SFSWAP: variants seen among roughly 807,000 people sequenced by gnomAD.
SFSWAP encodes the protein splicing factor SWAP.
Under a neutral mutation model 100.7 loss-of-function variants are expected in SFSWAP, and 17 were observed. The ratio of observed to expected loss-of-function variants is 0.17; its 90% CI spans 0.12 to 0.25. The LOEUF (loss-of-function observed/expected upper bound fraction) is 0.25. Among genes scored for constraint, SFSWAP ranks in the 10% least tolerant of loss-of-function variants. The probability of loss-of-function intolerance (pLI) is 1.00; values close to 1 mark genes in which losing one functional copy is unlikely to be tolerated. For missense variants in SFSWAP, 1,005 were observed against 1,262.6 expected, an observed-to-expected ratio of 0.80 and a Z score of 3.09; for synonymous variants, 504 against 510.1, an observed-to-expected ratio of 0.99 and a Z score of 0.16.
Position 131,711,344 on chromosome 12 carries a change from G to A in SFSWAP, c.115G>A (p.Gly39Ser), listed in dbSNP as rs369892761. 6.2e-7 allele frequency: 1 copy of A among 1,613,888 alleles called. No homozygotes were observed. Among genetic ancestry groups the A allele is most frequent in the Non-Finnish European group, 8.5e-7 (1 of 1,180,034 alleles). ...CAGCCGAGTGGAGCTCTTGGTTTTC[G>A]GCTATGCCTGCAAGCTGTTCCGGGA... The part of the protein sequence containing the change: ...GGSRVELLVF[G>S]YACKLFRDDE... The change falls in exon 1 of 18, where the codon GGC becomes AGC. Residue 39 changes from glycine to serine, a missense_variant. Transcript: ENST00000261674. This position sits in a 1 kb window ranked among gnomAD's most constrained non-coding sequence, Gnocchi z 4.9.
chr12:131,779,875 C>G (rs1884360019), intron 14 of SFSWAP, among the ~76,000 whole-genome samples: 1 of 152,260 alleles, frequency 6.6e-6, no homozygotes, highest in Admixed American at 6.5e-5. Context: ...CAACCTCTGC[C>G]TCCCAGGTTC....
intron 7 of SFSWAP, among the ~76,000 whole-genome samples, chr12:131,738,199 T>G (rs1221817188): frequency 6.6e-6 from 1 of 152,216 alleles, no homozygotes; most frequent in Non-Finnish European, 1.5e-5. Context: ...TTATGGTATA[T>G]TTTTCCTGCA....
chr12:131,792,061 A>ACC, intron 15 of SFSWAP, among the ~76,000 whole-genome samples: 1 of 140,632 alleles, frequency 7.1e-6, no homozygotes, highest in African/African-American at 2.8e-5. Flanking sequence ...GTGTGTGTGC[A>ACC]CGTGTGTGTT....
At chr12:131,747,059 G>A (rs374036993) in intron 7 of SFSWAP, among the ~76,000 whole-genome samples, 26 of 140,238 alleles carry the variant, frequency 1.9e-4, no homozygotes, top group South Asian at 7.0e-4. Flanking sequence ...AGCCGAGATC[G>A]CACCACTGCA....
In SFSWAP at chr12:131,725,164, A is replaced by G. The variant is rs1174666593; in HGVS notation, c.607-241A>G. On this transcript the variant is annotated intron_variant, in intron 4 of 17. Coordinates refer to ENST00000261674, the MANE Select transcript of SFSWAP (RefSeq NM_004592.4). This position sits in a 1 kb window ranked among gnomAD's most constrained non-coding sequence, Gnocchi z 4.3. ...TGTTGACTTGGTGCACAAAGAAGTC[A>G]CCTCCCATGGGTCTGTACCATGGTG... is the stretch of plus-strand genomic sequence containing the variant. Among the ~76,000 whole-genome samples, 1 of 151,944 alleles carries G rather than the reference A, an allele frequency of 6.6e-6. No individual in the cohort carries two copies. The highest frequency in any genetic ancestry group is 1.5e-5 in the Non-Finnish European group (1 of 67,994).
Position 131,718,169 on chromosome 12 carries a change from C to T in SFSWAP, c.521-1285C>T, listed in dbSNP as rs758726540. On this transcript the variant is annotated intron_variant, in intron 3 of 17. Coordinates refer to ENST00000261674, the MANE Select transcript of SFSWAP (RefSeq NM_004592.4). ...ACTTATATCTGATCAGACTGGAATA[C>T]CCAAGTTTTTGTATACCAGGAAACC... 1.3e-5 allele frequency among the ~76,000 whole-genome samples: 2 copies of T among 152,178 alleles called. 1 individual carries two copies. Among genetic ancestry groups the T allele is most frequent in the Non-Finnish European group, 2.9e-5 (2 of 68,032 alleles).
chr12:131,785,453 A>C, intron 14 of SFSWAP: 1 of 444,986 alleles, frequency 2.2e-6, no homozygotes, highest in Non-Finnish European at 4.0e-6. Context: ...GCAAAATCAA[A>C]CCGCTCTTCT....
intron 14 of SFSWAP, among the ~76,000 whole-genome samples, chr12:131,781,019 A>G (rs1034287744): frequency 6.6e-6 from 1 of 152,116 alleles, no homozygotes; most frequent in Non-Finnish European, 1.5e-5. Flanking sequence ...CTTTTCCCAC[A>G]TTGGCATATT....
At chr12:131,737,773 G>A (rs1205949288) in intron 7 of SFSWAP, among the ~76,000 whole-genome samples, 1 of 151,814 alleles carries the variant, frequency 6.6e-6, no homozygotes, top group Admixed American at 6.6e-5. Flanking sequence ...GGGAAGAAAA[G>A]CATCTATTTT....
At chr12:131,735,257 AT>A (rs1401240046) in intron 7 of SFSWAP, among the ~76,000 whole-genome samples, 1 of 152,186 alleles carries the variant, frequency 6.6e-6, no homozygotes, top group Non-Finnish European at 1.5e-5. Flanking sequence ...GCGCCTGAAG[AT>A]TTATGCGCGC....
At position 131,794,358 on chromosome 12, in the gene SFSWAP, A is replaced by G. The variant is rs1471450566; in HGVS notation, c.2535-2820A>G. On this transcript the variant is annotated intron_variant, in intron 15 of 17. Coordinates refer to ENST00000261674, the MANE Select transcript of SFSWAP (RefSeq NM_004592.4). This position sits in a 1 kb window ranked among gnomAD's most constrained non-coding sequence, Gnocchi z 4.8. ...CAGGCTTTTTTTTTTTTTGGTAGAGACCCCCATCTCTACTTAAAAAAAAAA... is the reference window on the plus strand; with the variant it reads ...CAGGCTTTTTTTTTTTTTGGTAGAGGCCCCCATCTCTACTTAAAAAAAAAA... 1.1e-4 allele frequency among the ~76,000 whole-genome samples: 15 copies of G among 135,814 alleles called. No individual in the cohort carries two copies. The highest frequency in any genetic ancestry group is 3.0e-4 in the Admixed American group (4 of 13,390). 89.1% of individuals were successfully genotyped at this position (135,814 alleles called of 152,430 possible).
chr12:131,719,460 A>T lies in SFSWAP; in HGVS notation c.527A>T (p.Asn176Ile), dbSNP rs1474998486. The T allele has an allele frequency of 6.2e-7, 1 of 1,613,994 alleles. No individual in the cohort carries two copies. Among genetic ancestry groups the T allele is most frequent in the South Asian group, 1.1e-5 (1 of 91,074 alleles). The change falls in exon 4 of 18, where the codon AAT becomes ATT. Residue 176 changes from asparagine to isoleucine, a missense_variant. Physicochemically the swap from Asn to Ile is moderately radical, Grantham distance 149. This residue lies in a region of SFSWAP where 237 missense variants were observed against 337.0 expected (regional missense o/e 0.70). Coordinates refer to ENST00000261674, the MANE Select transcript of SFSWAP (RefSeq NM_004592.4). ...EEEPSKQREK[N>I]EAENLEENEE... ...TAATTTTCTTTTTATGCAGAAAAAA[A>T]TGAGGCCGAAAATTTAGAGGAAAAT...
chr12:131,725,426 G>C lies in SFSWAP; in HGVS notation c.628G>C (p.Ala210Pro), dbSNP rs780826479. ...VELPPTAKMH[A>P]IIERTASFVC... is the part of the protein sequence containing the mutation. ...GTAGCCACCAACCGCTAAAATGCACGCCATCATCGAGCGCACGGCCAGCTT... is the reference window on the plus strand; with the variant it reads ...GTAGCCACCAACCGCTAAAATGCACCCCATCATCGAGCGCACGGCCAGCTT... The change falls in exon 5 of 18, where the codon GCC becomes CCC. Residue 210 changes from alanine (A) to proline (P), a missense_variant. Physicochemically the swap from Ala to Pro is conservative, Grantham distance 27. Transcript: ENST00000261674. This position sits in a 1 kb window ranked among gnomAD's most constrained non-coding sequence, Gnocchi z 4.3. 1 of 1,614,146 alleles carries C rather than the reference G, an allele frequency of 6.2e-7. No individual in the cohort carries two copies.
intron 12 of SFSWAP, among the ~76,000 whole-genome samples, chr12:131,765,324 C>T (rs1883023483): frequency 6.6e-6 from 1 of 152,218 alleles, no homozygotes; most frequent in African/African-American, 2.4e-5. Flanking sequence ...TTCCTGTATA[C>T]ACACATTCAG....
At chr12:131,777,996 A>T in intron 13 of SFSWAP, 69 bp from the exon 14 acceptor site, 1 of 1,548,930 alleles carries the variant, frequency 6.5e-7, no homozygotes, top group Non-Finnish European at 8.7e-7. Context: ...CAAAGTTGAA[A>T]TTTTATAGAT....
chr12:131,736,037 A>C (rs1396868739), intron 7 of SFSWAP, among the ~76,000 whole-genome samples: 4 of 152,212 alleles, frequency 2.6e-5, no homozygotes, highest in Admixed American at 2.0e-4. Context: ...TTGTCATGGC[A>C]CCAGCCAACA....
In SFSWAP at chr12:131,794,733, C is replaced by G. The variant is rs1284094637; in HGVS notation, c.2535-2445C>G. Among the ~76,000 whole-genome samples, 1 of 152,102 alleles carries G rather than the reference C, an allele frequency of 6.6e-6. No individual in the cohort carries two copies. The highest frequency in any genetic ancestry group is 1.5e-5 in the Non-Finnish European group (1 of 68,020). On this transcript the variant is annotated intron_variant, in intron 15 of 17. Transcript: ENST00000261674. The surrounding 1 kb of genome is among the most constrained non-coding windows in gnomAD (Gnocchi z 4.8). ...AGGGACGCCCCTGCGTGGATAAGGC[C>G]CAGGTGTCAGGGTGTGCGCACTTGC...
In SFSWAP at chr12:131,756,490, A is replaced by G. The variant is rs758345668; in HGVS notation, c.1566A>G (p.Glu522=). 6.2e-7 allele frequency: 1 copy of G among 1,614,024 alleles called. No individual in the cohort carries two copies. Among genetic ancestry groups the G allele is most frequent in the South Asian group, 1.1e-5 (1 of 91,080 alleles). Residue 522 remains glutamate, a synonymous_variant, in exon 11 of 18, where the codon GAA becomes GAG. Transcript: ENST00000261674. Reference sequence around the variant, plus strand: ...ATCTCTAGGCTGTGTCTGCACCAGAAGAGGCTCCCACAGACTCTGCTCCCG... The same window carrying G: ...ATCTCTAGGCTGTGTCTGCACCAGAGGAGGCTCCCACAGACTCTGCTCCCG... ...GDSMQAVSAP[E]EAPTDSAPEK...
At chr12:131,736,892 G>A (rs991408888) in intron 7 of SFSWAP, among the ~76,000 whole-genome samples, 2 of 152,060 alleles carry the variant, frequency 1.3e-5, no homozygotes, top group Non-Finnish European at 2.9e-5. Flanking sequence ...GTTTATTGTC[G>A]GTGGGGGTGT....
Sources: allele counts gnomAD v4.1 joint callset (sites outside exome capture counted in the v4.1 genomes callset), GRCh38; gene constraint gnomAD v4.1.1; regional missense constraint gnomAD v4.1.1; non-coding constraint Gnocchi (gnomAD v3.1); transcripts MANE v1.5; gene names NCBI Gene and HGNC (gene_info 2026-07-23, HGNC 2026-07-21).